TRPM3: variants seen among roughly 807,000 people sequenced by gnomAD.
The protein encoded by TRPM3 is long transient receptor potential channel 3.
In TRPM3, 77 loss-of-function variants were observed where a neutral mutation model predicts 181.2. The ratio of observed to expected loss-of-function variants is 0.42; its 90% confidence interval spans 0.35 to 0.51. TRPM3 has a LOEUF of 0.51. Among genes scored for constraint, TRPM3 ranks in the 20% least tolerant of loss-of-function variants. TRPM3 has a pLI of 0.01. For missense variants in TRPM3, 1,759 were observed against 2,196.7 expected (o/e 0.80, Z 3.98); for synonymous variants, 745 against 796.4 (o/e 0.94, Z 1.09).
Position 70,536,839 on chromosome 9 carries a change from T to C in TRPM3, c.4274A>G (p.Asp1425Gly). ...YVSAMDELHC[D>G]IDPLDNSVNI... Reference sequence around the variant, plus strand: ...CACGGAATTGTCCAGAGGGTCTATATCACAGTGGAGCTCATCCATAGCAGA... The same window carrying C: ...CACGGAATTGTCCAGAGGGTCTATACCACAGTGGAGCTCATCCATAGCAGA... Residue 1425 changes from aspartate (D) to glycine (G), a missense_variant, in exon 26 of 26, where the codon GAT (aspartate) becomes GGT (glycine). Asp to Gly is a moderately conservative substitution (Grantham distance 94). Transcript: ENST00000677713. 2 of 1,614,124 alleles carry C rather than the reference T, an allele frequency of 1.2e-6. No individual in the cohort carries two copies. The highest frequency in any genetic ancestry group is 1.7e-6 in the Non-Finnish European group (2 of 1,180,034).
intron 1 of TRPM3, among the ~76,000 whole-genome samples, chr9:71,212,439 A>C (rs577628555): frequency 7.1e-6 from 1 of 140,112 alleles, no homozygotes; most frequent in African/African-American, 2.5e-5. Context: ...TGAGTTTGTT[A>C]ATCAGTATTA....
chr9:71,355,362 T>C (rs1344336939), intron 1 of TRPM3, among the ~76,000 whole-genome samples: 1 of 152,136 alleles, frequency 6.6e-6, no homozygotes, highest in Non-Finnish European at 1.5e-5. Flanking sequence ...AAGAAGAGAA[T>C]GCCATGTAAA....
chr9:70,780,131 G>A (rs903952265), intron 7 of TRPM3, among the ~76,000 whole-genome samples: 1 of 152,072 alleles, frequency 6.6e-6, no homozygotes, highest in Non-Finnish European at 1.5e-5. Flanking sequence ...TTCTAGAAGG[G>A]AATTCAAAGA....
chr9:71,015,046 T>G (rs942415933), intron 1 of TRPM3, among the ~76,000 whole-genome samples: 3 of 152,168 alleles, frequency 2.0e-5, no homozygotes, highest in Non-Finnish European at 4.4e-5. Flanking sequence ...GGCCAATTCT[T>G]TAAAAAAGTA....
chr9:70,765,398 C>A (rs2078920586), intron 7 of TRPM3, among the ~76,000 whole-genome samples: 1 of 152,074 alleles, frequency 6.6e-6, no homozygotes, highest in Non-Finnish European at 1.5e-5. Context: ...CAAGGCCAGC[C>A]TGGCCAACAT....
intron 1 of TRPM3, among the ~76,000 whole-genome samples, chr9:70,925,987 C>T (rs1292707615): frequency 1.4e-5 from 1 of 69,134 alleles, no homozygotes; most frequent in Non-Finnish European, 2.7e-5. Context: ...AAAAGGTTGG[C>T]TTGGGAAAAC....
chr9:71,308,839 T>C (rs566345686), intron 1 of TRPM3, among the ~76,000 whole-genome samples: 8 of 151,986 alleles, frequency 5.3e-5, no homozygotes, highest in East Asian at 1.9e-4. Flanking sequence ...TTCTAATGCA[T>C]TGGGTCTTGC....
intron 1 of TRPM3, chr9:70,869,060 G>A: frequency 1.0e-6 from 1 of 985,146 alleles, no homozygotes; most frequent in Non-Finnish European, 1.2e-6. Context: ...GCTGCAGCTA[G>A]GGCTGGTCAT....
intron 1 of TRPM3, among the ~76,000 whole-genome samples, chr9:70,900,341 AAAAAC>A (rs766186679): frequency 6.6e-6 from 1 of 152,030 alleles, no homozygotes; most frequent in African/African-American, 2.4e-5. Flanking sequence ...ACTCTGTCTC[AAAAAC>A]AAAACAAAAC....
chr9:70,842,542 A>G (rs2094745828), intron 5 of TRPM3, among the ~76,000 whole-genome samples: 1 of 152,158 alleles, frequency 6.6e-6, no homozygotes, highest in South Asian at 2.1e-4. Flanking sequence ...CTTTGAAATG[A>G]AAAGAATCTC....
chr9:70,571,554 T>G (rs1283034726), intron 22 of TRPM3, among the ~76,000 whole-genome samples: 1 of 152,104 alleles, frequency 6.6e-6, no homozygotes, highest in African/African-American at 2.4e-5. Context: ...CCATATGCAC[T>G]TTTTGAGAGT....
chr9:71,398,372 T>C (rs1197407378), intron 1 of TRPM3, among the ~76,000 whole-genome samples: 1 of 152,140 alleles, frequency 6.6e-6, no homozygotes, highest in Admixed American at 6.5e-5. Context: ...AGAAGCTGTG[T>C]GTACTTTGAA....
In TRPM3 at chr9:71,325,654, G is replaced by A. The variant is rs144835560; in HGVS notation, c.183+120999C>T. Among the ~76,000 whole-genome samples, 139 of 152,174 alleles carry A rather than the reference G, an allele frequency of 9.1e-4. 1 individual carries two copies. Among genetic ancestry groups the A allele is most frequent in the South Asian group, 5.6e-3 (27 of 4,818 alleles). On this transcript the variant is annotated intron_variant, in intron 1 of 24. Coordinates refer to the TRPM3 transcript ENST00000357533. ...TAGGCAGGAAGAAGGAATGAAGGCAGTGATGCAGCCCACTAACCTACAAAA... is the reference window on the plus strand; with the variant it reads ...TAGGCAGGAAGAAGGAATGAAGGCAATGATGCAGCCCACTAACCTACAAAA...
chr9:70,649,192 C>CTTTTT lies in TRPM3; in HGVS notation c.1346-8537_1346-8533dup, dbSNP rs58145886. 8.3e-5 allele frequency among the ~76,000 whole-genome samples: 12 copies of CTTTTT among 144,192 alleles called. 1 individual carries two copies. The highest frequency in any genetic ancestry group is 2.0e-4 in the African/African-American group (8 of 39,044). 94.6% of individuals were successfully genotyped at this position (144,192 alleles called of 152,430 possible). A position where few individuals can be genotyped will look rare whatever the true frequency, so the allele number is the denominator to read the frequency against. ...GATGGGCAAAAGACATGAACAGACACTTTTTTTTTTTTTTGAGATGGAGTC... is the reference window on the plus strand; with the variant it reads ...GATGGGCAAAAGACATGAACAGACACTTTTTTTTTTTTTTTTTTTGAGATGGAGTC... On this transcript the variant is annotated intron_variant, in intron 9 of 25. Transcript: ENST00000677713.
intron 1 of TRPM3, among the ~76,000 whole-genome samples, chr9:71,249,797 C>G (rs554880655): frequency 2.0e-5 from 3 of 152,196 alleles, no homozygotes; most frequent in African/African-American, 7.2e-5. Context: ...GAAAGAACTG[C>G]AGAACAGAAA....
At chr9:71,043,931 A>C (rs2059123694) in intron 1 of TRPM3, among the ~76,000 whole-genome samples, 1 of 152,112 alleles carries the variant, frequency 6.6e-6, no homozygotes, top group Non-Finnish European at 1.5e-5. Flanking sequence ...TCATCTCTGC[A>C]TCATGTCGCA....
At chr9:70,609,817 G>A (rs2061740954) in intron 19 of TRPM3, among the ~76,000 whole-genome samples, 1 of 152,092 alleles carries the variant, frequency 6.6e-6, no homozygotes, top group Non-Finnish European at 1.5e-5. Context: ...TTGTGGAAAG[G>A]GCTAAAAATA....
chr9:71,038,988 T>C (rs2058518860), intron 1 of TRPM3, among the ~76,000 whole-genome samples: 1 of 152,076 alleles, frequency 6.6e-6, no homozygotes. Flanking sequence ...CATTAATAAA[T>C]CAGGAAGAAA....
intron 1 of TRPM3, among the ~76,000 whole-genome samples, chr9:71,312,008 G>A (rs1015857011): frequency 1.3e-5 from 2 of 152,086 alleles, no homozygotes; most frequent in African/African-American, 4.8e-5. Context: ...CTTGGGTATG[G>A]TGGTGACCTT....
Sources: gnomAD v4.1 joint callset for allele counts (sites outside exome capture counted in the v4.1 genomes callset) on GRCh38, gnomAD v4.1.1 for gene constraint, MANE v1.5 for transcripts, NCBI Gene and HGNC (gene_info 2026-07-23, HGNC 2026-07-21) for gene names.